The following AIFM2 variants were observed in gnomAD, a reference collection of about 807,000 sequenced individuals.
AIFM2 encodes the protein ferroptosis suppressor protein 1.
Under a neutral mutation model 35.7 loss-of-function variants are expected in AIFM2, and 38 were observed. The ratio of observed to expected loss-of-function variants is 1.06; its 90% CI spans 0.82 to 1.39. The LOEUF (loss-of-function observed/expected upper bound fraction) is 1.39. Ranked by LOEUF, AIFM2 falls within the 40% of genes most tolerant of loss-of-function variation. AIFM2 has a pLI of 0.00. For missense variants in AIFM2, 476 were observed against 491.2 expected (o/e 0.97, Z 0.29); for synonymous variants, 185 against 203.5 (o/e 0.91, Z 0.77).
intron 1 of AIFM2, among the ~76,000 whole-genome samples, chr10:70,129,750 T>C (rs1035917122): frequency 6.6e-6 from 1 of 152,200 alleles, no homozygotes; most frequent in Admixed American, 6.5e-5. Flanking sequence ...ATAATGTCTT[T>C]AATAATAGGA....
At chr10:70,116,833 C>T in intron 6 of AIFM2, 59 bp from the exon 7 acceptor site, 1 of 1,598,478 alleles carries the variant, frequency 6.3e-7, no homozygotes, top group Non-Finnish European at 8.6e-7. Flanking sequence ...CAAGCCTGGA[C>T]CCCAGGCCAA....
chr10:70,121,272 AG>A, intron 3 of AIFM2, 61 bp from the exon 4 acceptor site: 2 of 1,406,922 alleles, frequency 1.4e-6, no homozygotes, highest in Non-Finnish European at 1.8e-6. Context: ...AGGGCAGGGC[AG>A]GGCAGGCCTA....
intron 7 of AIFM2, among the ~76,000 whole-genome samples, chr10:70,115,708 G>A (rs1174260274): frequency 1.3e-5 from 2 of 152,314 alleles, no homozygotes; most frequent in East Asian, 1.9e-4. Context: ...GGAGGTTGCA[G>A]TGAGCCAAGA....
chr10:70,116,816 ACC>A (rs1265932583), intron 6 of AIFM2, 42 bp from the exon 7 acceptor site: 1 of 1,608,624 alleles, frequency 6.2e-7, no homozygotes, highest in Admixed American at 1.7e-5. Flanking sequence ...GGGGACAGGG[ACC>A]CCATCAAGCC....
At chr10:70,121,054 C>G (rs1460147069) in intron 4 of AIFM2, 38 bp downstream of exon 4, 3 of 1,596,644 alleles carry the variant, frequency 1.9e-6, no homozygotes, top group Non-Finnish European at 2.6e-6. Flanking sequence ...GTCCTTCCAT[C>G]TGCCCACACT....
intron 3 of AIFM2, among the ~76,000 whole-genome samples, chr10:70,121,861 G>A (rs1422012571): frequency 1.3e-5 from 2 of 151,046 alleles, no homozygotes; most frequent in African/African-American, 4.9e-5. Flanking sequence ...GGAGACCAAG[G>A]CGGGCGGATC....
Position 70,117,979 on chromosome 10 carries a change from A to G in AIFM2, c.508-59T>C. The G allele has an allele frequency of 7.9e-7, 1 of 1,264,920 alleles. No individual in the cohort carries two copies. The allele number at this position is 1,264,920 out of a possible 1,614,324, so 78.4% of individuals were successfully genotyped here. ...AGCCCCCAAGTCTTCAAACACAATC[A>G]TTGCACGAACGTCCACCTCCACTCA... On this transcript the variant is annotated intron_variant, in intron 5 of 8. Transcript: ENST00000307864. This position sits in a 1 kb window ranked among gnomAD's most constrained non-coding sequence, Gnocchi z 4.7.
chr10:70,122,509 G>A (rs998550614), intron 3 of AIFM2, among the ~76,000 whole-genome samples: 5 of 152,204 alleles, frequency 3.3e-5, no homozygotes, highest in African/African-American at 1.2e-4. Context: ...GCAGCTTATC[G>A]ATGGAGCTGA....
At chr10:70,127,485 T>C (rs537706902) in intron 1 of AIFM2, among the ~76,000 whole-genome samples, 1 of 152,256 alleles carries the variant, frequency 6.6e-6, no homozygotes, top group East Asian at 1.9e-4. Flanking sequence ...TCAGGGCACC[T>C]GTGGCAGAAG....
intron 8 of AIFM2, 158 bp downstream of exon 8, chr10:70,114,762 C>T: frequency 1.0e-6 from 1 of 956,742 alleles, no homozygotes; most frequent in Non-Finnish European, 1.5e-6. Flanking sequence ...GTGTGAGCCA[C>T]CGCGCCCAGC....
At chr10:70,120,910 T>C (rs2136658208) in intron 4 of AIFM2, among the ~76,000 whole-genome samples, 182 bp downstream of exon 4, 1 of 152,312 alleles carries the variant, frequency 6.6e-6, no homozygotes, top group East Asian at 1.9e-4. Context: ...GCTCACATCC[T>C]GGCTCCAGCA....
intron 3 of AIFM2, among the ~76,000 whole-genome samples, chr10:70,122,650 T>C (rs1208111555): frequency 1.3e-5 from 2 of 152,228 alleles, no homozygotes. Context: ...TGTGCCTTTT[T>C]GTTCTAGACA....
rs2072391949 is a variant in AIFM2 at position 70,112,876 on chromosome 10, G to A, written c.*1302C>T. ...GGGCCTCCAGACAAGTGACCCTGGG[G>A]TTGGCCAGGAAACCAGAAGCACAAA... On this transcript the variant is annotated 3_prime_UTR_variant, in exon 9 of 9. Coordinates refer to ENST00000307864, the MANE Select transcript of AIFM2 (RefSeq NM_032797.6). 1 of 152,286 alleles carries A rather than the reference G, an allele frequency of 6.6e-6. No individual in the cohort carries two copies. Among genetic ancestry groups the A allele is most frequent in the African/African-American group, 2.4e-5 (1 of 41,456 alleles). 9.4% of individuals were successfully genotyped at this position (152,286 alleles called of 1,614,324 possible).
chr10:70,127,253 C>A (rs1018105405), intron 1 of AIFM2, among the ~76,000 whole-genome samples: 1 of 152,258 alleles, frequency 6.6e-6, no homozygotes, highest in African/African-American at 2.4e-5. Flanking sequence ...GAAAGCCCCA[C>A]TTCCAAGTTA....
At chr10:70,121,047 C>T in intron 4 of AIFM2, 45 bp downstream of exon 4, 1 of 1,592,002 alleles carries the variant, frequency 6.3e-7, no homozygotes, top group Non-Finnish European at 8.5e-7. Context: ...CAAGGCTGTC[C>T]TTCCATCTGC....
intron 4 of AIFM2, 108 bp downstream of exon 4, chr10:70,120,984 G>A (rs1001220795): frequency 8.7e-6 from 13 of 1,496,438 alleles, no homozygotes; most frequent in Non-Finnish European, 1.8e-6. Context: ...TATGGCTACA[G>A]CCAGCAGCTC....
In AIFM2 at chr10:70,126,385, G is replaced by A. The variant is rs143568398; in HGVS notation, c.-13-2288C>T. 6.2e-3 allele frequency among the ~76,000 whole-genome samples: 950 copies of A among 152,342 alleles called. 10 individuals are homozygous for A. Among genetic ancestry groups the A allele is most frequent in the African/African-American group, 0.022 (900 of 41,568 alleles). ...ACTGGAGCGGGTGTCAGCGAAGGAG[G>A]AAGTAGACTCTGAGGTCAACCTTGA... On this transcript the variant is annotated intron_variant, in intron 1 of 8. Coordinates refer to ENST00000307864, the MANE Select transcript of AIFM2 (RefSeq NM_032797.6).
At chr10:70,124,241 T>C in intron 1 of AIFM2, 144 bp from the exon 2 acceptor site, 1 of 621,036 alleles carries the variant, frequency 1.6e-6, no homozygotes, top group Non-Finnish European at 2.4e-6. Context: ...TTTTATAAAA[T>C]TTGAATTAAA....
At chr10:70,132,492 G>T (rs565123515) in intron 1 of AIFM2, among the ~76,000 whole-genome samples, 11 of 152,326 alleles carry the variant, frequency 7.2e-5, no homozygotes, top group African/African-American at 2.6e-4. Flanking sequence ...AAACCAGGAG[G>T]GTGGAGTTTT....
Sources: gnomAD v4.1 joint callset for allele counts (sites outside exome capture counted in the v4.1 genomes callset) on GRCh38, gnomAD v4.1.1 for gene constraint, Gnocchi (gnomAD v3.1) non-coding constraint, MANE v1.5 for transcripts, NCBI Gene and HGNC (gene_info 2026-07-23, HGNC 2026-07-21) for gene names.